SLC30A8: variants seen among roughly 807,000 people sequenced by gnomAD.
SLC30A8 encodes solute carrier family 30 member 8.
Under a neutral mutation model 36.9 loss-of-function variants are expected in SLC30A8, and 27 were observed. The ratio of observed to expected loss-of-function variants is 0.73; its 90% CI spans 0.54 to 1.01. SLC30A8 has a LOEUF of 1.01. Ranked by LOEUF, SLC30A8 falls within the 50% of genes least tolerant of loss-of-function variation. The pLI, the probability that SLC30A8 is intolerant of heterozygous loss-of-function variation, is 0.00. For synonymous variants in SLC30A8, 164 were observed against 172.4 expected, an observed-to-expected ratio of 0.95 and a Z score of 0.38; for missense variants, 439 against 452.0, an observed-to-expected ratio of 0.97 and a Z score of 0.26.
intron 1 of SLC30A8, among the ~76,000 whole-genome samples, chr8:116,967,389 A>G (rs1011214344): frequency 2.6e-5 from 4 of 152,188 alleles, no homozygotes; most frequent in South Asian, 4.1e-4. Context: ...GCTAGTGTCT[A>G]TCTGATGAAA....
At chr8:117,061,367 T>C (rs1388480401) in intron 2 of SLC30A8, among the ~76,000 whole-genome samples, 2 of 152,244 alleles carry the variant, frequency 1.3e-5, no homozygotes, top group Non-Finnish European at 2.9e-5. Context: ...CCCAGCCAGA[T>C]AGGCTTTCTC....
intron 2 of SLC30A8, among the ~76,000 whole-genome samples, chr8:117,042,260 A>T (rs1050259009): frequency 6.6e-6 from 1 of 152,228 alleles, no homozygotes; most frequent in Non-Finnish European, 1.5e-5. Context: ...AAATGTGTTA[A>T]CCATATCAGT....
At chr8:117,137,468 G>C (rs1430986489) in intron 1 of SLC30A8, among the ~76,000 whole-genome samples, 1 of 151,982 alleles carries the variant, frequency 6.6e-6, no homozygotes, top group African/African-American at 2.4e-5. Context: ...ACCCCAAGAT[G>C]TAGTGGCTTA....
At chr8:117,017,653 A>G (rs550047379) in intron 1 of SLC30A8, among the ~76,000 whole-genome samples, 2 of 152,214 alleles carry the variant, frequency 1.3e-5, no homozygotes, top group Admixed American at 6.5e-5. Context: ...GAATACAACA[A>G]TTTCAGAATA....
chr8:117,039,946 C>T (rs571995022), intron 2 of SLC30A8, among the ~76,000 whole-genome samples: 3 of 152,316 alleles, frequency 2.0e-5, no homozygotes, highest in Non-Finnish European at 4.4e-5. Context: ...CGAGCTTTCC[C>T]CTCAAGGAGA....
At chr8:117,050,890 C>T (rs1817687063) in intron 2 of SLC30A8, among the ~76,000 whole-genome samples, 1 of 152,238 alleles carries the variant, frequency 6.6e-6, no homozygotes, top group Non-Finnish European at 1.5e-5. Flanking sequence ...TCAACCCCTG[C>T]AGGCAGGTTG....
At chr8:117,115,672 A>G (rs984833955) in intron 2 of SLC30A8, among the ~76,000 whole-genome samples, 1 of 152,146 alleles carries the variant, frequency 6.6e-6, no homozygotes, top group Non-Finnish European at 1.5e-5. Context: ...TCAGTTACCA[A>G]TAAATGCAAA....
intron 2 of SLC30A8, among the ~76,000 whole-genome samples, chr8:117,046,089 C>T (rs1041441861): frequency 1.3e-5 from 2 of 152,068 alleles, no homozygotes; most frequent in East Asian, 1.9e-4. Context: ...CACACTTTCT[C>T]GAGTCATGAA....
intron 1 of SLC30A8, among the ~76,000 whole-genome samples, chr8:116,978,825 T>G (rs1419009283): frequency 6.6e-6 from 1 of 152,200 alleles, no homozygotes; most frequent in Admixed American, 6.5e-5. Context: ...GCTTCATATA[T>G]ATATGCATAT....
At chr8:116,970,345 C>T (rs1163832823) in intron 1 of SLC30A8, among the ~76,000 whole-genome samples, 3 of 152,150 alleles carry the variant, frequency 2.0e-5, no homozygotes, top group Non-Finnish European at 4.4e-5. Flanking sequence ...CCTGAAGGAC[C>T]TGCCTGGGGC....
At chr8:117,150,036 A>G (rs1046619008) in intron 2 of SLC30A8, among the ~76,000 whole-genome samples, 2 of 152,176 alleles carry the variant, frequency 1.3e-5, no homozygotes, top group Non-Finnish European at 2.9e-5. Context: ...GAGAACATGC[A>G]AACTCCACAC....
chr8:117,107,550 G>C (rs1357538518), intron 2 of SLC30A8, among the ~76,000 whole-genome samples: 1 of 152,140 alleles, frequency 6.6e-6, no homozygotes, highest in Non-Finnish European at 1.5e-5. Flanking sequence ...TTATTTAAGG[G>C]AAGGAGACGA....
In SLC30A8 at chr8:117,152,937, T is replaced by G; in HGVS notation, c.272-7T>G. On this transcript the variant is annotated splice_polypyrimidine_tract_variant and splice_region_variant and intron_variant, in intron 2 of 7. Coordinates refer to ENST00000456015, the MANE Select transcript of SLC30A8 (RefSeq NM_173851.3). The stretch of plus-strand genomic sequence containing the variant: ...CTTAACACAGTGTACTATTTTGCAT[T>G]CTCTAGGTGGGCACATTGCTGGGAG... 1 of 1,573,820 alleles carries G rather than the reference T, an allele frequency of 6.4e-7. No homozygotes were observed. The highest frequency in any genetic ancestry group is 2.3e-5 in the East Asian group (1 of 44,218).
intron 2 of SLC30A8, among the ~76,000 whole-genome samples, chr8:117,114,758 A>G (rs996443381): frequency 2.6e-5 from 4 of 152,096 alleles, no homozygotes; most frequent in Non-Finnish European, 5.9e-5. Context: ...AAAATATTCC[A>G]TAGCAGTGTG....
intron 2 of SLC30A8, among the ~76,000 whole-genome samples, chr8:117,110,057 T>C (rs1290893800): frequency 6.6e-6 from 1 of 152,238 alleles, no homozygotes; most frequent in Non-Finnish European, 1.5e-5. Flanking sequence ...GACTTGTTTG[T>C]ATCTTCATTA....
intron 1 of SLC30A8, among the ~76,000 whole-genome samples, chr8:116,985,285 C>T (rs1328002100): frequency 8.9e-6 from 1 of 111,818 alleles, no homozygotes; most frequent in East Asian, 2.5e-4. Flanking sequence ...TGTGCATGCT[C>T]ACACACATAC....
intron 1 of SLC30A8, among the ~76,000 whole-genome samples, chr8:117,136,331 G>T (rs543506965): frequency 1.3e-5 from 2 of 152,100 alleles, no homozygotes; most frequent in East Asian, 1.9e-4. Context: ...AGTTGAATCT[G>T]AATGGGGTTC....
At chr8:117,170,500 G>A (rs57131344) in intron 6 of SLC30A8, among the ~76,000 whole-genome samples, 1 of 152,250 alleles carries the variant, frequency 6.6e-6, no homozygotes, top group East Asian at 1.9e-4. Context: ...ATGACCTGTT[G>A]AGTAACTAAT....
chr8:117,036,134 C>T (rs1817207984), intron 1 of SLC30A8, among the ~76,000 whole-genome samples: 1 of 152,022 alleles, frequency 6.6e-6, no homozygotes, highest in Non-Finnish European at 1.5e-5. Flanking sequence ...ATGGGGTTTT[C>T]TTTTCTACCA....
Sources: allele counts gnomAD v4.1 joint callset (sites outside exome capture counted in the v4.1 genomes callset), GRCh38; gene constraint gnomAD v4.1.1; transcripts MANE v1.5; gene names NCBI Gene and HGNC (gene_info 2026-07-23, HGNC 2026-07-21).